The following PCYOX1 variants were observed in gnomAD, a reference collection of about 807,000 sequenced individuals.
PCYOX1 encodes the protein prenylcysteine lyase.
PCYOX1 carries 46 observed loss-of-function variants against 46.4 expected under a neutral mutation model. The observed-to-expected ratio is 0.99, with a 90% confidence interval of 0.78 to 1.27. PCYOX1 has a LOEUF of 1.27. PCYOX1 is among the 50% of genes most tolerant of loss of function. The probability of loss-of-function intolerance (pLI) is 0.00; values close to 1 mark genes in which losing one functional copy is unlikely to be tolerated. For missense variants in PCYOX1, 658 were observed against 628.3 expected (o/e 1.05, Z -0.51); for synonymous variants, 220 against 231.8 (o/e 0.95, Z 0.46).
chr2:70,268,686 C>A (rs976433554), intron 3 of PCYOX1, among the ~76,000 whole-genome samples: 7 of 151,648 alleles, frequency 4.6e-5, no homozygotes, highest in Non-Finnish European at 7.4e-5. Context: ...GTAATCCCAG[C>A]TACTCAGGAA....
rs1559038294 is a variant in PCYOX1 at position 70,277,109 on chromosome 2, C to T, written c.1235C>T (p.Thr412Ile). ...TYVWKIFSQE[T>I]LTKAQILKLF... ...GTTTGGAAGATCTTTTCCCAAGAAA[C>T]TCTTACTAAAGCACAAATTTTAAAG... is the stretch of plus-strand genomic sequence containing the variant. The change falls in exon 6 of 6, where the codon ACT becomes ATT. Residue 412 changes from threonine to isoleucine, a missense_variant. Thr to Ile is a moderately conservative substitution (Grantham distance 89). Coordinates refer to ENST00000433351, the MANE Select transcript of PCYOX1 (RefSeq NM_016297.4). The T allele has an allele frequency of 6.2e-7, 1 of 1,614,190 alleles. No individual in the cohort carries two copies. The highest frequency in any genetic ancestry group is 1.1e-5 in the South Asian group (1 of 91,084).
chr2:70,259,337 T>C, intron 1 of PCYOX1, 23 bp from the exon 2 acceptor site: 1 of 1,596,660 alleles, frequency 6.3e-7, no homozygotes, highest in Non-Finnish European at 8.6e-7. Flanking sequence ...GAAAATATAA[T>C]CTTCTGTTTT....
chr2:70,258,158 G>A lies in PCYOX1; in HGVS notation c.-7G>A, dbSNP rs1250678460. On this transcript the variant is annotated 5_prime_UTR_variant, in exon 1 of 6. Transcript: ENST00000433351. ...TCTTGAGGCCAGCTGCAGAGCTTGTGGAGGCCATGGGGCGCGTCGTCGCGG... is the reference window on the plus strand; with the variant it reads ...TCTTGAGGCCAGCTGCAGAGCTTGTAGAGGCCATGGGGCGCGTCGTCGCGG... 6.3e-7 allele frequency: 1 copy of A among 1,588,862 alleles called. No individual in the cohort carries two copies. Among genetic ancestry groups the A allele is most frequent in the Admixed American group, 1.7e-5 (1 of 59,168 alleles).
At chr2:70,259,120 A>G (rs1245672983) in intron 1 of PCYOX1, among the ~76,000 whole-genome samples, 1 of 152,190 alleles carries the variant, frequency 6.6e-6, no homozygotes, top group Non-Finnish European at 1.5e-5. Context: ...ATCTTTGGGC[A>G]TCTGGAAAAA....
In PCYOX1 at chr2:70,277,300, A is replaced by C. The variant is rs1264695430; in HGVS notation, c.1426A>C (p.Asn476His). Residue 476 changes from asparagine (N) to histidine (H), a missense_variant, in exon 6 of 6, where the codon AAC becomes CAC. By Grantham distance (68) the Asn-to-His change is moderately conservative (BLOSUM62 1). Transcript: ENST00000433351. ...AMEMSAIAAH[N>H]AALLAYHRWN... ...GGAGATGAGTGCCATTGCAGCCCACAACGCTGCACTCCTTGCCTATCACCG... is the reference window on the plus strand; with the variant it reads ...GGAGATGAGTGCCATTGCAGCCCACCACGCTGCACTCCTTGCCTATCACCG... 6.2e-7 allele frequency: 1 copy of C among 1,613,548 alleles called. No homozygotes were observed. Among genetic ancestry groups the C allele is most frequent in the Admixed American group, 1.7e-5 (1 of 60,008 alleles).
chr2:70,267,297 T>A (rs150792143), intron 3 of PCYOX1, among the ~76,000 whole-genome samples: 12,418 of 149,600 alleles, frequency 0.083, 549 homozygotes, highest in East Asian at 0.18. Flanking sequence ...CGCTCCTCAC[T>A]TCCCAGACTG....
rs1433857780 is a variant in PCYOX1, at chr2:70,275,143, CA to C, written c.682del (p.Ser228AlafsTer23). The C allele has an allele frequency of 6.2e-7, 1 of 1,613,914 alleles. No homozygotes were observed. The highest frequency in any genetic ancestry group is 1.1e-5 in the South Asian group (1 of 91,070). On this transcript the variant is annotated frameshift_variant, in exon 4 of 6. Coordinates refer to ENST00000433351, the MANE Select transcript of PCYOX1 (RefSeq NM_016297.4). LOFTEE classifies it high-confidence loss of function. Reference sequence around the variant, plus strand: ...TCCTGTTATGAGGGTCAATTATGGCCAAAGCACGGACATCAATGCCTTTGTG... The same window carrying C: ...TCCTGTTATGAGGGTCAATTATGGCCAAGCACGGACATCAATGCCTTTGTG... The part of the protein sequence containing the change: ...IAPVMRVNYG[Q>X]STDINAFVGA...
intron 1 of PCYOX1, among the ~76,000 whole-genome samples, chr2:70,258,882 A>C (rs1164063193): frequency 1.3e-5 from 2 of 152,252 alleles, no homozygotes; most frequent in African/African-American, 4.8e-5. Context: ...CTCCAGTGTC[A>C]GGAGCCTTGG....
Position 70,262,197 on chromosome 2 carries a change from C to A in PCYOX1, c.494+811C>A, listed in dbSNP as rs143618441. Among the ~76,000 whole-genome samples, 272 of 151,868 alleles carry A rather than the reference C, an allele frequency of 1.8e-3. 1 individual carries two copies. Among genetic ancestry groups the A allele is most frequent in the African/African-American group, 6.2e-3 (259 of 41,456 alleles). On this transcript the variant is annotated intron_variant, in intron 3 of 5. Coordinates refer to ENST00000433351, the MANE Select transcript of PCYOX1 (RefSeq NM_016297.4). ...TTTTTTTGTTTTTGAGATGGAGTTT[C>A]GCTTGTTGCCTAGGCTGGAGTGCAA...
Position 70,277,448 on chromosome 2 carries a change from G to A in PCYOX1, c.*56G>A. 2 of 1,364,432 alleles carry A rather than the reference G, an allele frequency of 1.5e-6. No homozygotes were observed. Among genetic ancestry groups the A allele is most frequent in the Non-Finnish European group, 2.0e-6 (2 of 990,242 alleles). The allele number at this position is 1,364,432 out of a possible 1,614,324, so 84.5% of individuals were successfully genotyped here. Reference sequence around the variant, plus strand: ...CCAAATGACTATCAGTGGCAAAAAAGAACAAAATCTGAGCAGAGATGATTT... The same window carrying A: ...CCAAATGACTATCAGTGGCAAAAAAAAACAAAATCTGAGCAGAGATGATTT... On this transcript the variant is annotated 3_prime_UTR_variant, in exon 6 of 6. Coordinates refer to ENST00000433351, the MANE Select transcript of PCYOX1 (RefSeq NM_016297.4).
At chr2:70,262,362 C>A (rs925461151) in intron 3 of PCYOX1, among the ~76,000 whole-genome samples, 13 of 151,132 alleles carry the variant, frequency 8.6e-5, no homozygotes, top group African/African-American at 3.2e-4. Context: ...GATGGGGTTT[C>A]ACCCTCTTGG....
rs952477769 is a variant in PCYOX1 at position 70,274,722 on chromosome 2, C to G, written c.495-237C>G. The stretch of plus-strand genomic sequence containing the variant: ...GGGACCACAGGCATACACCACTATG[C>G]CTGGTTAATTTTTGTATTTTTAGTA... On this transcript the variant is annotated intron_variant, in intron 3 of 5. Transcript: ENST00000433351. 5.6e-5 allele frequency: 27 copies of G among 480,216 alleles called. No individual in the cohort carries two copies. In the South Asian group the frequency reaches 5.7e-4, roughly 10 times the overall value. 29.7% of individuals were successfully genotyped at this position (480,216 alleles called of 1,614,324 possible).
At chr2:70,270,037 C>T (rs1371976960) in intron 3 of PCYOX1, among the ~76,000 whole-genome samples, 1 of 152,032 alleles carries the variant, frequency 6.6e-6, no homozygotes, top group Non-Finnish European at 1.5e-5. Context: ...TCTTGTCGCC[C>T]AGGCTGGAGT....
At chr2:70,265,764 G>A (rs1397066612) in intron 3 of PCYOX1, among the ~76,000 whole-genome samples, 1 of 152,108 alleles carries the variant, frequency 6.6e-6, no homozygotes, top group Non-Finnish European at 1.5e-5. Flanking sequence ...TCTCTCTCAA[G>A]TTAGTGCATT....
chr2:70,267,650 G>A (rs937839255), intron 3 of PCYOX1, among the ~76,000 whole-genome samples: 4 of 152,112 alleles, frequency 2.6e-5, no homozygotes, highest in African/African-American at 4.8e-5. Flanking sequence ...CCAGTCAGGC[G>A]TGGCGGCGCG....
At position 70,275,083 on chromosome 2, in the gene PCYOX1, G is replaced by A. The variant is rs1227287528; in HGVS notation, c.619G>A (p.Gly207Ser). Reference sequence around the variant, plus strand: ...ACTTCTTGAAACCTTGCAAAAGGCCGGCTTTTCTGAGAAGTTCCTCAATGA... The same window carrying A: ...ACTTCTTGAAACCTTGCAAAAGGCCAGCTTTTCTGAGAAGTTCCTCAATGA... The part of the protein sequence containing the change: ...RTLLETLQKA[G>S]FSEKFLNEMI... Residue 207 changes from glycine to serine, a missense_variant, in exon 4 of 6, where the codon GGC becomes AGC. Coordinates refer to ENST00000433351, the MANE Select transcript of PCYOX1 (RefSeq NM_016297.4). 9.3e-6 allele frequency: 15 copies of A among 1,614,012 alleles called. No individual in the cohort carries two copies. The highest frequency in any genetic ancestry group is 2.2e-5 in the South Asian group (2 of 91,090).
chr2:70,264,267 GT>G (rs199985130), intron 3 of PCYOX1, among the ~76,000 whole-genome samples: 12,247 of 144,492 alleles, frequency 0.085, 514 homozygotes, highest in East Asian at 0.19. Flanking sequence ...TCCCAGCCTT[GT>G]TTTTTTTTTT....
At chr2:70,274,535 C>A (rs986648259) in intron 3 of PCYOX1, among the ~76,000 whole-genome samples, 4 of 145,412 alleles carry the variant, frequency 2.8e-5, no homozygotes, top group African/African-American at 1.0e-4. Flanking sequence ...CTTCTTCTTT[C>A]TTTCTTCCTT....
chr2:70,258,923 C>G (rs1008266308), intron 1 of PCYOX1, among the ~76,000 whole-genome samples: 3 of 152,234 alleles, frequency 2.0e-5, no homozygotes, highest in Admixed American at 2.0e-4. Flanking sequence ...TCCCGCCCCC[C>G]TTTAAAGTTG....
Sources: gnomAD v4.1 joint callset for allele counts (sites outside exome capture counted in the v4.1 genomes callset) on GRCh38, gnomAD v4.1.1 for gene constraint, MANE v1.5 for transcripts, NCBI Gene and HGNC (gene_info 2026-07-23, HGNC 2026-07-21) for gene names.